ITGA9: variants seen among roughly 807,000 people sequenced by gnomAD.
ITGA9 encodes integrin subunit alpha 9.
ITGA9 carries 56 observed loss-of-function variants against 127.8 expected under a neutral mutation model. The ratio of observed to expected loss-of-function variants is 0.44; its 90% CI spans 0.35 to 0.55. The LOEUF (loss-of-function observed/expected upper bound fraction) is 0.55. Among genes scored for constraint, ITGA9 ranks in the 20% least tolerant of loss-of-function variants. ITGA9 has a pLI of 0.00. For synonymous variants in ITGA9, 508 were observed against 514.5 expected (o/e 0.99, Z 0.17); for missense variants, 1,196 against 1,347.1 (o/e 0.89, Z 1.76).
intron 4 of ITGA9, among the ~76,000 whole-genome samples, chr3:37,486,796 TG>T (rs1275158053): frequency 6.6e-6 from 1 of 152,230 alleles, no homozygotes; most frequent in Non-Finnish European, 1.5e-5. Flanking sequence ...TTCTTAAATT[TG>T]GGATTGTTGA....
At chr3:37,547,657 T>C (rs1403621537) in intron 15 of ITGA9, among the ~76,000 whole-genome samples, 1 of 152,142 alleles carries the variant, frequency 6.6e-6, no homozygotes. Flanking sequence ...AGTTTCTTCT[T>C]TATCTGGAAA....
intron 22 of ITGA9, among the ~76,000 whole-genome samples, chr3:37,745,224 T>G (rs1000369915): frequency 2.6e-5 from 4 of 152,180 alleles, no homozygotes; most frequent in African/African-American, 9.7e-5. Flanking sequence ...GGTCTTCCTC[T>G]CCCCAGAGTA....
intron 20 of ITGA9, among the ~76,000 whole-genome samples, chr3:37,738,607 A>G (rs572707010): frequency 5.8e-4 from 89 of 152,320 alleles, no homozygotes; most frequent in Admixed American, 1.0e-3. Context: ...AGGTTGATGA[A>G]TTTGATAAGG....
chr3:37,591,997 AGTCATGGGT>A (rs1355088795), intron 15 of ITGA9, among the ~76,000 whole-genome samples: 1 of 152,162 alleles, frequency 6.6e-6, no homozygotes, highest in African/African-American at 2.4e-5. Context: ...CCCTGAACTT[AGTCATGGGT>A]GGATAGGGGT....
At chr3:37,809,734 C>G (rs1209711528) in intron 27 of ITGA9, among the ~76,000 whole-genome samples, 1 of 151,954 alleles carries the variant, frequency 6.6e-6, no homozygotes, top group Non-Finnish European at 1.5e-5. Context: ...TTTTAAAGAC[C>G]TACGTATTTC....
At chr3:37,718,756 AGCAAATGCATGCCGACGCCACAT>A (rs1701159957) in intron 18 of ITGA9, among the ~76,000 whole-genome samples, 1 of 152,226 alleles carries the variant, frequency 6.6e-6, no homozygotes, top group African/African-American at 2.4e-5. Flanking sequence ...GGGAGCTTTC[AGCAAATGCATGCCGACGCCACAT>A]GCATTAATTC....
In ITGA9 at chr3:37,629,279, G is replaced by A. The variant is rs767325595; in HGVS notation, c.1782G>A (p.Pro594=). 33 of 1,613,938 alleles carry A rather than the reference G, an allele frequency of 2.0e-5. No homozygotes were observed. The highest frequency in any genetic ancestry group is 8.9e-5 in the East Asian group (4 of 44,894). The change falls in exon 16 of 28, where the codon CCG becomes CCA. Residue 594 remains proline (P), a synonymous_variant. Transcript: ENST00000264741. This position sits in a 1 kb window ranked among gnomAD's most constrained non-coding sequence, Gnocchi z 4.5. The stretch of plus-strand genomic sequence containing the variant: ...CTGGAGAGGAGGAGAGGGAACTGCC[G>A]CCTCTGACACCAGTTCTCCGCTGGA... The part of the protein sequence containing the change: ...HVTGEEEREL[P]PLTPVLRWKK...
intron 13 of ITGA9, among the ~76,000 whole-genome samples, chr3:37,528,146 C>T (rs1699113377): frequency 6.6e-6 from 1 of 152,192 alleles, no homozygotes; most frequent in South Asian, 2.1e-4. Context: ...ACTCTGCTTT[C>T]TCATCATTCT....
At chr3:37,672,630 G>A (rs545294123) in intron 17 of ITGA9, among the ~76,000 whole-genome samples, 62 of 152,242 alleles carry the variant, frequency 4.1e-4, no homozygotes, top group African/African-American at 1.3e-3. Context: ...AGAAGAAAGC[G>A]TATCATAGGG....
At chr3:37,512,065 TTTCTTTCTTTCCTTCCTTCCTTCCTTCC>T (rs1698922836) in intron 8 of ITGA9, among the ~76,000 whole-genome samples, 1 of 70,132 alleles carries the variant, frequency 1.4e-5, no homozygotes, top group African/African-American at 5.2e-5. Context: ...TCTTTCTTTC[TTTCTTTCTTTCCTTCCTTCCTTCCTTCC>T]TTCCTTCCTT....
chr3:37,760,976 T>C (rs1478555702), intron 23 of ITGA9, among the ~76,000 whole-genome samples: 3 of 152,176 alleles, frequency 2.0e-5, no homozygotes, highest in African/African-American at 4.8e-5. Flanking sequence ...GTTGAAGTTA[T>C]ATGAACAGGA....
intron 15 of ITGA9, among the ~76,000 whole-genome samples, chr3:37,567,180 A>G (rs1274691092): frequency 6.6e-6 from 1 of 152,232 alleles, no homozygotes; most frequent in African/African-American, 2.4e-5. Flanking sequence ...ATCATAGCAG[A>G]AAGCGAAAGG....
intron 3 of ITGA9, among the ~76,000 whole-genome samples, chr3:37,476,228 T>C (rs73053283): frequency 0.13 from 19,258 of 152,232 alleles, 1,269 homozygotes; most frequent in Middle Eastern, 0.17. Context: ...CTGGATCAAA[T>C]GGTACTTCTA....
chr3:37,604,765 A>T (rs1699952891), intron 15 of ITGA9, among the ~76,000 whole-genome samples: 1 of 152,164 alleles, frequency 6.6e-6, no homozygotes, highest in South Asian at 2.1e-4. Flanking sequence ...TAAGACCCTA[A>T]AGGGAGAGTT....
chr3:37,615,492 G>A (rs1203028311), intron 15 of ITGA9, among the ~76,000 whole-genome samples: 3 of 152,144 alleles, frequency 2.0e-5, no homozygotes, highest in African/African-American at 2.4e-5. Flanking sequence ...AAATGAATTG[G>A]GGAGGATTCC....
intron 3 of ITGA9, 145 bp downstream of exon 3, chr3:37,473,605 CT>C: frequency 1.7e-6 from 1 of 586,040 alleles, no homozygotes; most frequent in East Asian, 2.8e-5. Context: ...GACTTATCTT[CT>C]TATTTTCTTT....
chr3:37,676,754 G>T (rs999427182), intron 17 of ITGA9, among the ~76,000 whole-genome samples: 1 of 152,146 alleles, frequency 6.6e-6, no homozygotes, highest in Non-Finnish European at 1.5e-5. Context: ...TCAAATCTTT[G>T]TCTTCAAGAC....
chr3:37,649,063 T>A (rs1575179977), intron 16 of ITGA9, among the ~76,000 whole-genome samples: 3 of 129,442 alleles, frequency 2.3e-5, no homozygotes, highest in Admixed American at 7.8e-5. Flanking sequence ...ACCAAGAAAA[T>A]ACCTATGGAA....
At chr3:37,585,324 C>T (rs1301185225) in intron 15 of ITGA9, among the ~76,000 whole-genome samples, 3 of 152,104 alleles carry the variant, frequency 2.0e-5, no homozygotes, top group Non-Finnish European at 4.4e-5. Flanking sequence ...TTTTCCTCTC[C>T]TCTGGCCTCT....
Sources: allele counts gnomAD v4.1 joint callset (sites outside exome capture counted in the v4.1 genomes callset), GRCh38; gene constraint gnomAD v4.1.1; non-coding constraint Gnocchi (gnomAD v3.1); transcripts MANE v1.5; gene names NCBI Gene and HGNC (gene_info 2026-07-23, HGNC 2026-07-21).